ALDH1L2: variants seen among roughly 807,000 people sequenced by gnomAD.
The protein encoded by ALDH1L2 is mitochondrial 10-formyltetrahydrofolate dehydrogenase.
ALDH1L2 carries 91 observed loss-of-function variants against 111.0 expected under a neutral mutation model. The observed-to-expected ratio is 0.82, with a 90% CI of 0.69 to 0.98. ALDH1L2 has a LOEUF of 0.98. Ranked by LOEUF, ALDH1L2 falls within the 50% of genes least tolerant of loss-of-function variation. The pLI, the probability that ALDH1L2 is intolerant of heterozygous loss-of-function variation, is 0.00. For synonymous variants in ALDH1L2, 374 were observed against 392.6 expected (o/e 0.95, Z 0.56); for missense variants, 995 against 1,126.8 (o/e 0.88, Z 1.67).
At chr12:105,030,205 T>G (rs985691466) in intron 21 of ALDH1L2, 119 bp downstream of exon 21, 5 of 591,856 alleles carry the variant, frequency 8.4e-6, no homozygotes, top group Non-Finnish European at 1.3e-5. Context: ...AAGTTAATTA[T>G]TCTTATGGTA....
chr12:105,072,266 T>C (rs974856808), intron 2 of ALDH1L2: 16 of 148,756 alleles, frequency 1.1e-4, no homozygotes, highest in African/African-American at 3.9e-4. Flanking sequence ...TAATATATAA[T>C]AGCATATATG....
At chr12:105,037,956 G>A (rs775069041) in intron 18 of ALDH1L2, 147 bp downstream of exon 18, 15 of 543,044 alleles carry the variant, frequency 2.8e-5, no homozygotes, top group African/African-American at 5.8e-5. Flanking sequence ...TACTAGAGAC[G>A]GGGTTTCACC....
At chr12:105,072,830 C>T (rs200786091) in intron 2 of ALDH1L2, among the ~76,000 whole-genome samples, 6 of 151,998 alleles carry the variant, frequency 3.9e-5, no homozygotes, top group Non-Finnish European at 7.4e-5. Context: ...AAAAATTAGC[C>T]GGGTATGATG....
chr12:105,044,637 C>T, intron 15 of ALDH1L2, among the ~76,000 whole-genome samples: 1 of 95,440 alleles, frequency 1.0e-5, no homozygotes, highest in Non-Finnish European at 2.4e-5. Flanking sequence ...GCTAATATGA[C>T]CCCCATGGAT....
intron 5 of ALDH1L2, among the ~76,000 whole-genome samples, chr12:105,065,894 A>T (rs1278577444): frequency 6.6e-6 from 1 of 152,184 alleles, no homozygotes; most frequent in East Asian, 1.9e-4. Context: ...GGGAGGTTGT[A>T]TAGTGGCCAA....
chr12:105,080,401 T>A (rs1269078133), intron 1 of ALDH1L2, among the ~76,000 whole-genome samples: 2 of 152,222 alleles, frequency 1.3e-5, no homozygotes, highest in African/African-American at 4.8e-5. Context: ...TTTTGGTATA[T>A]CATTTTAGTT....
intron 10 of ALDH1L2, among the ~76,000 whole-genome samples, chr12:105,056,160 A>C (rs192907524): frequency 3.1e-4 from 47 of 152,294 alleles, no homozygotes; most frequent in African/African-American, 1.1e-3. Context: ...TCTCAAAAGC[A>C]GCAAGAGAGA....
intron 1 of ALDH1L2, among the ~76,000 whole-genome samples, chr12:105,077,758 A>C (rs1310682719): frequency 6.7e-6 from 1 of 150,266 alleles, no homozygotes; most frequent in Admixed American, 6.6e-5. Flanking sequence ...AAAAAAAAAA[A>C]GGTACACATA....
At chr12:105,045,136 T>G (rs1565956410) in intron 15 of ALDH1L2, among the ~76,000 whole-genome samples, 1 of 152,184 alleles carries the variant, frequency 6.6e-6, no homozygotes, top group Non-Finnish European at 1.5e-5. Flanking sequence ...CAGGCTGGAG[T>G]GCAATGGTGC....
rs1283551161 is a variant in ALDH1L2 at position 105,052,157 on chromosome 12, T to C, written c.1468A>G (p.Lys490Glu). Reference protein sequence around the residue: ...ADVDKAVAAAKDAFENGEWGR... With the variant: ...ADVDKAVAAAEDAFENGEWGR... ...CATTCACCGTTTTCAAAAGCATCTT[T>C]TGCTGCTGCTACTGCTTTATCAACA... is the stretch of plus-strand genomic sequence containing the variant. The change falls in exon 12 of 23, where the codon AAA becomes GAA. Residue 490 changes from lysine to glutamate, a missense_variant. Coordinates refer to ENST00000258494, the MANE Select transcript of ALDH1L2 (RefSeq NM_001034173.4). 6.2e-7 allele frequency: 1 copy of C among 1,612,194 alleles called. No individual in the cohort carries two copies. The highest frequency in any genetic ancestry group is 1.1e-5 in the South Asian group (1 of 90,780).
intron 2 of ALDH1L2, among the ~76,000 whole-genome samples, chr12:105,071,016 C>A (rs993990304): frequency 6.6e-6 from 1 of 152,150 alleles, no homozygotes; most frequent in Admixed American, 6.5e-5. Context: ...TAAATTAGAA[C>A]TGAAAAGTTT....
intron 21 of ALDH1L2, among the ~76,000 whole-genome samples, chr12:105,027,000 G>A (rs1487232689): frequency 6.6e-6 from 1 of 152,186 alleles, no homozygotes; most frequent in African/African-American, 2.4e-5. Context: ...CTCCCAAGTA[G>A]CGGGGACTAC....
intron 18 of ALDH1L2, among the ~76,000 whole-genome samples, 165 bp from the exon 19 acceptor site, chr12:105,034,563 A>C (rs2136051570): frequency 6.6e-6 from 1 of 152,122 alleles, no homozygotes; most frequent in East Asian, 1.9e-4. Context: ...TCTTGGAGAT[A>C]CTCTGTTTTG....
At chr12:105,078,610 C>T (rs1004414671) in intron 1 of ALDH1L2, among the ~76,000 whole-genome samples, 7 of 152,280 alleles carry the variant, frequency 4.6e-5, no homozygotes, top group Middle Eastern at 6.8e-3. Context: ...TTTGCTTTAC[C>T]TGTTTGGCCT....
At chr12:105,066,349 A>T (rs941588490) in intron 5 of ALDH1L2, among the ~76,000 whole-genome samples, 1 of 152,092 alleles carries the variant, frequency 6.6e-6, no homozygotes, top group Non-Finnish European at 1.5e-5. Flanking sequence ...TACTATTAAT[A>T]TGCAAATTTT....
At chr12:105,067,841 A>G (rs1456816049) in intron 4 of ALDH1L2, among the ~76,000 whole-genome samples, 3 of 152,196 alleles carry the variant, frequency 2.0e-5, no homozygotes, top group Admixed American at 1.3e-4. Flanking sequence ...ACAAAATGCT[A>G]TGTTGATTGT....
chr12:105,071,230 C>T (rs957765113), intron 2 of ALDH1L2, among the ~76,000 whole-genome samples: 11 of 152,196 alleles, frequency 7.2e-5, no homozygotes, highest in African/African-American at 2.2e-4. Context: ...CTGAACACAT[C>T]GTAGACCAGA....
In ALDH1L2 at chr12:105,031,620, C is replaced by T; in HGVS notation, c.2410+149G>A. 5 of 1,123,456 alleles carry T rather than the reference C, an allele frequency of 4.5e-6. No individual in the cohort carries two copies. The South Asian group carries it at 5.1e-5, about 11-fold the overall frequency. The allele number at this position is 1,123,456 out of a possible 1,614,324, so 69.6% of individuals were successfully genotyped here. On this transcript the variant is annotated intron_variant, in intron 20 of 22. Coordinates refer to ENST00000258494, the MANE Select transcript of ALDH1L2 (RefSeq NM_001034173.4). ...TAAAGTGATTCTTGTGCCTCAGCCT[C>T]CCCAGTAGCAGGTGCGTGCCACCAC... is the stretch of plus-strand genomic sequence containing the variant.
intron 6 of ALDH1L2, among the ~76,000 whole-genome samples, chr12:105,063,535 T>C (rs1877143299): frequency 6.6e-6 from 1 of 152,060 alleles, no homozygotes; most frequent in Non-Finnish European, 1.5e-5. Context: ...AGTCTGTGAA[T>C]ATGTCACTGG....
Sources: gnomAD v4.1 joint callset for allele counts (sites outside exome capture counted in the v4.1 genomes callset) on GRCh38, gnomAD v4.1.1 for gene constraint, MANE v1.5 for transcripts, NCBI Gene and HGNC (gene_info 2026-07-23, HGNC 2026-07-21) for gene names.